The following CFAP299 variants were observed in gnomAD, a reference collection of about 807,000 sequenced individuals.
CFAP299 encodes cilia- and flagella-associated protein 299.
In CFAP299, 21 loss-of-function variants were observed where a neutral mutation model predicts 27.0. That is an observed-to-expected ratio of 0.78 (90% CI 0.55 to 1.12). The LOEUF (loss-of-function observed/expected upper bound fraction) is 1.12, where lower values mean the gene tolerates loss of function less well. Among genes scored for constraint, CFAP299 ranks in the 50% most tolerant of loss-of-function variants. The probability of loss-of-function intolerance (pLI) is 0.00; values close to 1 mark genes in which losing one functional copy is unlikely to be tolerated. For synonymous variants in CFAP299, 104 were observed against 98.1 expected, an observed-to-expected ratio of 1.06 and a Z score of -0.36; for missense variants, 310 against 276.6, an observed-to-expected ratio of 1.12 and a Z score of -0.86.
rs559035552 is a variant in CFAP299 at position 80,442,642 on chromosome 4, CAA to C, written c.242+79759_242+79760del. 4.1e-3 allele frequency among the ~76,000 whole-genome samples: 627 copies of C among 152,122 alleles called. 2 individuals carry two copies. The highest frequency in any genetic ancestry group is 0.014 in the Admixed American group (216 of 15,290). ...CACAATTAAAAGTCAACTAGAGAAA[CAA>C]GAGCAAATTCAAAGACTAGCAGAAG... is the stretch of plus-strand genomic sequence containing the variant. On this transcript the variant is annotated intron_variant, in intron 2 of 5. Coordinates refer to ENST00000358105, the MANE Select transcript of CFAP299 (RefSeq NM_152770.3).
rs538305588 is a variant in CFAP299, at chr4:80,424,609, G to T, written c.242+61725G>T. ...AAGTTCCAAAGAAGCATGGCATTAT[G>T]AGTGATAATTGTGTTACTACCTTTT... On this transcript the variant is annotated intron_variant, in intron 2 of 5. Coordinates refer to ENST00000358105, the MANE Select transcript of CFAP299 (RefSeq NM_152770.3). 5.3e-5 allele frequency among the ~76,000 whole-genome samples: 8 copies of T among 152,278 alleles called. No homozygotes were observed. In the South Asian group the frequency reaches 1.7e-3, roughly 32 times the overall value.
intron 3 of CFAP299, among the ~76,000 whole-genome samples, chr4:80,869,669 A>G (rs1354416891): frequency 3.3e-5 from 5 of 151,846 alleles, no homozygotes; most frequent in African/African-American, 9.7e-5. Flanking sequence ...GCCCTCCACC[A>G]CGCCCGGCTA....
chr4:80,371,102 T>C (rs1041260393), intron 2 of CFAP299, among the ~76,000 whole-genome samples: 1 of 152,208 alleles, frequency 6.6e-6, no homozygotes, highest in African/African-American at 2.4e-5. Context: ...TAACACCACA[T>C]TGAAGCCATC....
At chr4:80,947,642 A>G (rs1737542915) in intron 5 of CFAP299, among the ~76,000 whole-genome samples, 2 of 152,148 alleles carry the variant, frequency 1.3e-5, no homozygotes. Context: ...TGATTCTGCT[A>G]CAGGTTGTTC....
At chr4:80,688,997 A>C (rs1164678988) in intron 3 of CFAP299, among the ~76,000 whole-genome samples, 1 of 152,190 alleles carries the variant, frequency 6.6e-6, no homozygotes, top group Non-Finnish European at 1.5e-5. Context: ...TAGAGAAAAA[A>C]GATAAAAAGA....
At chr4:80,384,584 G>A (rs187867754) in intron 2 of CFAP299, among the ~76,000 whole-genome samples, 93 of 152,270 alleles carry the variant, frequency 6.1e-4, no homozygotes, top group African/African-American at 2.2e-3. Context: ...ATCTATTTCA[G>A]GAGATAAGAG....
chr4:80,700,209 A>G (rs2110026134), intron 3 of CFAP299, among the ~76,000 whole-genome samples: 1 of 152,214 alleles, frequency 6.6e-6, no homozygotes, highest in East Asian at 1.9e-4. Flanking sequence ...ACTACTTACT[A>G]GATGTGTGAC....
chr4:80,921,684 T>C (rs1736053286), intron 4 of CFAP299, among the ~76,000 whole-genome samples: 2 of 151,938 alleles, frequency 1.3e-5, no homozygotes, highest in Non-Finnish European at 2.9e-5. Context: ...GGAGATAATC[T>C]GGTTAAATCT....
intron 2 of CFAP299, among the ~76,000 whole-genome samples, chr4:80,477,888 C>T (rs1322826523): frequency 6.6e-6 from 1 of 152,154 alleles, no homozygotes; most frequent in Non-Finnish European, 1.5e-5. Flanking sequence ...TCCCTCCACA[C>T]CTGTGCTTAC....
chr4:80,920,423 G>A (rs752030542), intron 4 of CFAP299, among the ~76,000 whole-genome samples: 1 of 152,060 alleles, frequency 6.6e-6, no homozygotes, highest in South Asian at 2.1e-4. Context: ...ACTGTACAAG[G>A]GGCAGAAGCT....
At chr4:80,676,910 T>C (rs955365104) in intron 3 of CFAP299, among the ~76,000 whole-genome samples, 1 of 152,070 alleles carries the variant, frequency 6.6e-6, no homozygotes, top group Non-Finnish European at 1.5e-5. Context: ...TTCATTTTGT[T>C]GATATTCTGT....
intron 4 of CFAP299, among the ~76,000 whole-genome samples, chr4:80,930,159 T>G (rs997103504): frequency 3.9e-5 from 6 of 152,122 alleles, no homozygotes; most frequent in African/African-American, 1.2e-4. Context: ...GCTTTATAAA[T>G]TATGCCAATT....
chr4:80,480,170 A>G (rs1730483710), intron 2 of CFAP299, among the ~76,000 whole-genome samples: 1 of 151,946 alleles, frequency 6.6e-6, no homozygotes, highest in Non-Finnish European at 1.5e-5. Flanking sequence ...TGGGTTACAT[A>G]GTACTCCAAA....
chr4:80,689,731 A>T (rs139671020), intron 3 of CFAP299, among the ~76,000 whole-genome samples: 2 of 152,224 alleles, frequency 1.3e-5, no homozygotes, highest in African/African-American at 4.8e-5. Flanking sequence ...TGCTCCAATT[A>T]AAAGACATAG....
At chr4:80,760,047 C>A (rs2110077198) in intron 3 of CFAP299, among the ~76,000 whole-genome samples, 1 of 152,108 alleles carries the variant, frequency 6.6e-6, no homozygotes, top group East Asian at 1.9e-4. Context: ...TTGATTTAGT[C>A]AATTTTATGC....
intron 3 of CFAP299, among the ~76,000 whole-genome samples, chr4:80,631,865 C>CA (rs1553942310): frequency 4.7e-5 from 2 of 42,120 alleles, no homozygotes; most frequent in African/African-American, 5.4e-4. Flanking sequence ...TTGTGCCCCA[C>CA]CCCCCCCCAA....
At chr4:80,413,310 C>T (rs1217515698) in intron 2 of CFAP299, among the ~76,000 whole-genome samples, 1 of 152,194 alleles carries the variant, frequency 6.6e-6, no homozygotes, top group Non-Finnish European at 1.5e-5. Context: ...GTGAAAGCAG[C>T]AGGCATCCCA....
At position 80,526,917 on chromosome 4, in the gene CFAP299, T is replaced by C. The variant is rs146906542; in HGVS notation, c.243-56176T>C. Among the ~76,000 whole-genome samples the C allele has an allele frequency of 2.1e-4, 32 of 152,240 alleles. No homozygotes were observed. The East Asian group carries it at 4.8e-3, about 23-fold the overall frequency. ...GTTACAACAAATTACGCAACAAATA[T>C]ATTTTGAACTTAAAAAGAAAAATCT... On this transcript the variant is annotated intron_variant, in intron 2 of 5. Coordinates refer to ENST00000358105, the MANE Select transcript of CFAP299 (RefSeq NM_152770.3).
chr4:80,899,628 A>C (rs2110193891), intron 4 of CFAP299, among the ~76,000 whole-genome samples: 1 of 152,328 alleles, frequency 6.6e-6, no homozygotes, highest in Admixed American at 6.5e-5. Context: ...TAGGCATGTC[A>C]GAGATTTCAG....
Sources: allele counts gnomAD v4.1 joint callset (sites outside exome capture counted in the v4.1 genomes callset), GRCh38; gene constraint gnomAD v4.1.1; transcripts MANE v1.5; gene names NCBI Gene and HGNC (gene_info 2026-07-23, HGNC 2026-07-21).